KIAA1549L: variants seen among roughly 807,000 people sequenced by gnomAD.
KIAA1549L encodes UPF0606 protein KIAA1549L.
In KIAA1549L, 88 loss-of-function variants were observed where a neutral mutation model predicts 160.7. The observed-to-expected ratio is 0.55, with a 90% CI of 0.46 to 0.65. The LOEUF (loss-of-function observed/expected upper bound fraction) is 0.65. KIAA1549L is among the 30% of genes least tolerant of loss of function. KIAA1549L has a pLI of 0.00. For synonymous variants in KIAA1549L, 950 were observed against 976.7 expected, an observed-to-expected ratio of 0.97 and a Z score of 0.51; for missense variants, 2,258 against 2,437.5, an observed-to-expected ratio of 0.93 and a Z score of 1.55.
At chr11:33,428,407 C>G (rs1374915037) in intron 1 of KIAA1549L, among the ~76,000 whole-genome samples, 1 of 152,186 alleles carries the variant, frequency 6.6e-6, no homozygotes, top group Non-Finnish European at 1.5e-5. Context: ...CACCCATCAA[C>G]TCGTCATTCA....
intron 1 of KIAA1549L, among the ~76,000 whole-genome samples, chr11:33,446,194 A>C (rs1362456344): frequency 2.6e-5 from 4 of 150,948 alleles, no homozygotes; most frequent in Admixed American, 6.6e-5. Flanking sequence ...TCCCAGGCTC[A>C]AGCGATTATC....
chr11:33,609,482 G>T (rs1037026564), intron 14 of KIAA1549L, among the ~76,000 whole-genome samples: 3 of 152,236 alleles, frequency 2.0e-5, no homozygotes, highest in Non-Finnish European at 1.5e-5. Context: ...GTCAGGCCTA[G>T]GCCTGAACAG....
chr11:33,556,881 C>A (rs1854666700), intron 6 of KIAA1549L, among the ~76,000 whole-genome samples: 1 of 152,190 alleles, frequency 6.6e-6, no homozygotes, highest in East Asian at 1.9e-4. Context: ...TGTGTTTTAC[C>A]ACAATAAAAA....
At chr11:33,624,008 C>T (rs1851029266) in intron 16 of KIAA1549L, among the ~76,000 whole-genome samples, 1 of 152,136 alleles carries the variant, frequency 6.6e-6, no homozygotes, top group Non-Finnish European at 1.5e-5. Flanking sequence ...CCTAGGGTAG[C>T]CACTTCTTTC....
At chr11:33,562,506 A>G (rs1176216440) in intron 8 of KIAA1549L, among the ~76,000 whole-genome samples, 1 of 152,096 alleles carries the variant, frequency 6.6e-6, no homozygotes, top group African/African-American at 2.4e-5. Flanking sequence ...AAGGTGTTAC[A>G]GGATTGGCTT....
At chr11:33,492,595 G>A (rs1052951553) in intron 1 of KIAA1549L, among the ~76,000 whole-genome samples, 2 of 152,106 alleles carry the variant, frequency 1.3e-5, no homozygotes, top group East Asian at 1.9e-4. Flanking sequence ...TAGGCTGCTC[G>A]GAGGAAGCCC....
At chr11:33,562,393 A>G (rs1222081156) in intron 8 of KIAA1549L, among the ~76,000 whole-genome samples, 3 of 152,226 alleles carry the variant, frequency 2.0e-5, no homozygotes, top group Non-Finnish European at 2.9e-5. Flanking sequence ...GAGGAGAAGT[A>G]TATGAGTCTA....
intron 8 of KIAA1549L, among the ~76,000 whole-genome samples, chr11:33,564,077 T>G (rs1351157988): frequency 6.6e-6 from 1 of 152,204 alleles, no homozygotes; most frequent in Non-Finnish European, 1.5e-5. Context: ...GAATAAACAG[T>G]GGCTTCCATC....
intron 16 of KIAA1549L, 58 bp downstream of exon 16, chr11:33,618,720 G>A (rs1850886254): frequency 8.5e-6 from 12 of 1,411,632 alleles, no homozygotes; most frequent in Non-Finnish European, 1.1e-5. Flanking sequence ...AGGCAAGGGG[G>A]ATAGGGCATC....
At position 33,530,425 on chromosome 11, in the gene KIAA1549L, AAAAAAAAAAAAATATAT is replaced by A. The variant is rs1265755871; in HGVS notation, c.239-11375_239-11359del. On this transcript the variant is annotated intron_variant, in intron 1 of 20. Coordinates refer to ENST00000658780, the MANE Select transcript of KIAA1549L (RefSeq NM_012194.3). ...TAAAGAAGAAGAAGGAAAAAAAAAA[AAAAAAAAAAAAATATAT>A]ATATATATATATATATATATATATA... 2.2e-3 allele frequency among the ~76,000 whole-genome samples: 86 copies of A among 39,536 alleles called. 3 individuals are homozygous for A. Among genetic ancestry groups the A allele is most frequent in the African/African-American group, 7.3e-3 (82 of 11,294 alleles). The allele number at this position is 39,536 out of a possible 152,430, so 25.9% of individuals were successfully genotyped here.
chr11:33,474,370 C>T (rs550379356), intron 1 of KIAA1549L, among the ~76,000 whole-genome samples: 10 of 152,326 alleles, frequency 6.6e-5, no homozygotes, highest in East Asian at 1.9e-4. Context: ...CACATTCAGT[C>T]GTACACTTTA....
Position 33,543,557 on chromosome 11 carries a change from C to A in KIAA1549L, c.1994C>A (p.Ala665Asp). The A allele has an allele frequency of 1.9e-6, 3 of 1,614,022 alleles. No homozygotes were observed. The highest frequency in any genetic ancestry group is 2.5e-6 in the Non-Finnish European group (3 of 1,179,892). The change falls in exon 2 of 21, where the codon GCT becomes GAT. Residue 665 changes from alanine (A) to aspartate (D), a missense_variant. Ala to Asp is a moderately radical substitution (Grantham distance 126). Transcript: ENST00000658780. ...GACCATTCTGGGTTGCCAGCTTCAG[C>A]TTCCAAACAGGTGAGAGCATCGCCC... ...AVDHSGLPAS[A>D]SKQVRASPSS...
chr11:33,509,333 C>A (rs970609574), intron 1 of KIAA1549L, among the ~76,000 whole-genome samples: 1 of 152,216 alleles, frequency 6.6e-6, no homozygotes, highest in African/African-American at 2.4e-5. Context: ...CTTGTACTTG[C>A]TCCCTGCTTA....
chr11:33,633,139 C>CTTTTTTTTTTTTTTTTT (rs56310347), intron 16 of KIAA1549L, among the ~76,000 whole-genome samples: 5 of 50,730 alleles, frequency 9.9e-5, no homozygotes, highest in East Asian at 7.1e-4. Flanking sequence ...CCATGCCCAG[C>CTTTTTTTTTTTTTTTTT]TTTTTTTTTT....
chr11:33,515,017 C>A (rs1853311850), intron 1 of KIAA1549L, among the ~76,000 whole-genome samples: 1 of 152,108 alleles, frequency 6.6e-6, no homozygotes, highest in Admixed American at 6.5e-5. Flanking sequence ...CATAAGAGGC[C>A]ACCATTCTCA....
chr11:33,452,378 C>A (rs1401526879), intron 1 of KIAA1549L, among the ~76,000 whole-genome samples: 1 of 152,166 alleles, frequency 6.6e-6, no homozygotes, highest in Non-Finnish European at 1.5e-5. Flanking sequence ...GAGGCCAAGG[C>A]AGGTGGATCA....
At chr11:33,573,758 G>A (rs1035784164) in intron 9 of KIAA1549L, among the ~76,000 whole-genome samples, 1 of 152,066 alleles carries the variant, frequency 6.6e-6, no homozygotes, top group Non-Finnish European at 1.5e-5. Flanking sequence ...ATAATCAAGG[G>A]TTAGTTTGAT....
intron 1 of KIAA1549L, among the ~76,000 whole-genome samples, chr11:33,467,795 G>A (rs765404506): frequency 6.6e-6 from 1 of 152,228 alleles, no homozygotes; most frequent in Non-Finnish European, 1.5e-5. Flanking sequence ...CAGTGAGCAA[G>A]TGTACCATCC....
rs1590256905 is a variant in KIAA1549L at position 33,454,600 on chromosome 11, A to C, written c.238+77711A>C. ...TTATAACAGTGACCCTGAGGCCTTC[A>C]GGGAAGATTAAATTATGCTCAGTGG... On this transcript the variant is annotated intron_variant, in intron 1 of 20. Coordinates refer to ENST00000658780, the MANE Select transcript of KIAA1549L (RefSeq NM_012194.3). Among the ~76,000 whole-genome samples, 3 of 152,192 alleles carry C rather than the reference A, an allele frequency of 2.0e-5. No homozygotes were observed. In the East Asian group the frequency reaches 5.8e-4, roughly 29 times the overall value.
Sources: allele counts gnomAD v4.1 joint callset (sites outside exome capture counted in the v4.1 genomes callset), GRCh38; gene constraint gnomAD v4.1.1; transcripts MANE v1.5; gene names NCBI Gene and HGNC (gene_info 2026-07-23, HGNC 2026-07-21).